AP3D1: variants seen among roughly 807,000 people sequenced by gnomAD.
AP3D1 encodes AP-3 complex subunit delta-1.
AP3D1 carries 51 observed loss-of-function variants against 147.6 expected under a neutral mutation model. The ratio of observed to expected loss-of-function variants is 0.35; its 90% confidence interval spans 0.28 to 0.44. The LOEUF (loss-of-function observed/expected upper bound fraction) is 0.44. AP3D1 is among the 20% of genes least tolerant of loss of function. The pLI, the probability that AP3D1 is intolerant of heterozygous loss-of-function variation, is 1.00. For synonymous variants in AP3D1, 760 were observed against 663.0 expected, an observed-to-expected ratio of 1.15 and a Z score of -2.25; for missense variants, 1,421 against 1,624.2, an observed-to-expected ratio of 0.87 and a Z score of 2.15.
At chr19:2,136,957 C>T (rs2019092448) in intron 4 of AP3D1, 54 bp downstream of exon 4, 12 of 1,501,540 alleles carry the variant, frequency 8.0e-6, no homozygotes, top group East Asian at 2.5e-5. Context: ...CCAGACGCTC[C>T]GGCAAGGGCA....
intron 1 of AP3D1, among the ~76,000 whole-genome samples, chr19:2,141,112 A>G (rs2144529264): frequency 6.6e-6 from 1 of 152,254 alleles, no homozygotes; most frequent in South Asian, 2.1e-4. Context: ...CCTAGACCCA[A>G]AAGATTATAT....
intron 25 of AP3D1, 124 bp downstream of exon 25, chr19:2,111,555 G>T (rs1266813671): frequency 1.5e-6 from 2 of 1,346,288 alleles, no homozygotes. Flanking sequence ...CCCTGCCCCC[G>T]CCAGGCTCGG....
At chr19:2,104,206 C>T (rs1034131065) in intron 31 of AP3D1, among the ~76,000 whole-genome samples, 2 of 150,786 alleles carry the variant, frequency 1.3e-5, no homozygotes, top group African/African-American at 2.4e-5. Flanking sequence ...ACCGAGACAC[C>T]AACACTGAGA....
intron 8 of AP3D1, among the ~76,000 whole-genome samples, chr19:2,128,054 CCGACACA>C (rs1412383127): frequency 6.6e-6 from 1 of 152,192 alleles, no homozygotes; most frequent in Non-Finnish European, 1.5e-5. Context: ...GTCCTTGTTG[CCGACACA>C]TGACTGCATC....
intron 9 of AP3D1, among the ~76,000 whole-genome samples, chr19:2,126,832 G>C (rs1174548264): frequency 6.6e-6 from 1 of 152,174 alleles, no homozygotes; most frequent in South Asian, 2.1e-4. Context: ...ATCTGTGGAA[G>C]CAGGTATGAG....
intron 1 of AP3D1, among the ~76,000 whole-genome samples, chr19:2,144,376 C>A (rs1254470753): frequency 6.6e-6 from 1 of 152,184 alleles, no homozygotes; most frequent in Non-Finnish European, 1.5e-5. Context: ...CCGCGGCCAC[C>A]CTGAGGCAGC....
intron 25 of AP3D1, 40 bp downstream of exon 25, chr19:2,111,639 G>A: frequency 6.5e-7 from 1 of 1,549,194 alleles, no homozygotes; most frequent in Non-Finnish European, 8.7e-7. Context: ...AGCCCGCCAG[G>A]AACCCCGGCG....
At chr19:2,102,510 C>T (rs1471853509) in intron 31 of AP3D1, among the ~76,000 whole-genome samples, 1 of 151,972 alleles carries the variant, frequency 6.6e-6, no homozygotes, top group African/African-American at 2.4e-5. Context: ...AGGCAGATCA[C>T]CAGGTCAGGA....
intron 9 of AP3D1, among the ~76,000 whole-genome samples, chr19:2,124,700 G>A (rs763421152): frequency 6.6e-6 from 1 of 152,176 alleles, no homozygotes; most frequent in Non-Finnish European, 1.5e-5. Context: ...CAGCGCTTTG[G>A]GAGGCTGAGG....
chr19:2,151,820 C>T (rs1321216808), upstream of AP3D1, among the ~76,000 whole-genome samples: 1 of 152,246 alleles, frequency 6.6e-6, no homozygotes, highest in Non-Finnish European at 1.5e-5. Context: ...CCTAGCCACG[C>T]CCCTTAGAGG....
At chr19:2,148,441 C>T (rs1465145844) in intron 1 of AP3D1, among the ~76,000 whole-genome samples, 1 of 152,222 alleles carries the variant, frequency 6.6e-6, no homozygotes, top group Non-Finnish European at 1.5e-5. Context: ...ACTGTATGTG[C>T]CTGCACTCTG....
In AP3D1 at chr19:2,115,353, T is replaced by C. The variant is rs2018414628; in HGVS notation, c.2215A>G (p.Lys739Glu). 1.2e-6 allele frequency: 2 copies of C among 1,608,146 alleles called. No individual in the cohort carries two copies. Among genetic ancestry groups the C allele is most frequent in the Admixed American group, 1.7e-5 (1 of 59,994 alleles). Residue 739 changes from lysine to glutamate, a missense_variant, in exon 20 of 32, where the codon AAG becomes GAG. Coordinates refer to ENST00000643116, the MANE Select transcript of AP3D1 (RefSeq NM_001261826.3). ...EERRHRQKLE[K>E]DKRRKKRKEK... is the part of the protein sequence containing the mutation. ...TTCCTCTTTTTCCTCCTCTTGTCCTTCTCCAGCTTCTGCCGGTGCCGCCGC... is the reference window on the plus strand; with the variant it reads ...TTCCTCTTTTTCCTCCTCTTGTCCTCCTCCAGCTTCTGCCGGTGCCGCCGC...
chr19:2,158,843 C>A (rs147471975), intron 1 of AP3D1, among the ~76,000 whole-genome samples: 83 of 152,294 alleles, frequency 5.4e-4, no homozygotes, highest in Non-Finnish European at 9.7e-4. Flanking sequence ...TTGGGGAAAG[C>A]TGTTACCGTC....
chr19:2,139,740 C>T (rs1304849258), intron 1 of AP3D1, among the ~76,000 whole-genome samples: 2 of 152,228 alleles, frequency 1.3e-5, no homozygotes, highest in African/African-American at 4.8e-5. Context: ...GCTGCCCGGG[C>T]CCCGTCCTGC....
At chr19:2,125,045 T>C (rs1004611797) in intron 9 of AP3D1, among the ~76,000 whole-genome samples, 2 of 152,198 alleles carry the variant, frequency 1.3e-5, no homozygotes, top group African/African-American at 4.8e-5. Flanking sequence ...GTACACTGCC[T>C]GGGTGTTGGT....
Position 2,121,031 on chromosome 19 carries a change from C to T in AP3D1, c.1312G>A (p.Ala438Thr), listed in dbSNP as rs778701220. Residue 438 changes from alanine (A) to threonine (T), a missense_variant, in exon 14 of 32, where the codon GCC becomes ACC. Ala to Thr is a moderately conservative substitution (Grantham distance 58). Coordinates refer to ENST00000643116, the MANE Select transcript of AP3D1 (RefSeq NM_001261826.3). ...ATGGCCACGTCCAGCATTTGGGCGG[C>T]GATGAGGTGGCCGTGCCGTGTGCCC... Reference protein sequence around the residue: ...LEGTRHGHLIAAQMLDVAIRV... With the variant: ...LEGTRHGHLITAQMLDVAIRV... 35 of 1,612,506 alleles carry T rather than the reference C, an allele frequency of 2.2e-5. No homozygotes were observed. Among genetic ancestry groups the T allele is most frequent in the East Asian group, 4.5e-5 (2 of 44,882 alleles).
At chr19:2,116,548 A>C in intron 17 of AP3D1, 57 bp downstream of exon 17, 1 of 1,488,896 alleles carries the variant, frequency 6.7e-7, no homozygotes, top group East Asian at 2.4e-5. Flanking sequence ...TGCCTCAAAG[A>C]CTCCCTGGGA....
At chr19:2,128,465 CCGCCCCCGCCG>C (rs1321332921) in intron 8 of AP3D1, among the ~76,000 whole-genome samples, 11 of 115,272 alleles carry the variant, frequency 9.5e-5, no homozygotes, top group African/African-American at 4.3e-4. Context: ...TGGAGCCGGC[CCGCCCCCGCCG>C]CTCCGACACT....
rs200937321 is a variant in AP3D1, at chr19:2,110,896, T to C, written c.2986A>G (p.Thr996Ala). Residue 996 changes from threonine (T) to alanine (A), a missense_variant and splice_region_variant, in exon 27 of 32, where the codon ACC (threonine) becomes GCC (alanine). Thr to Ala is a moderately conservative substitution (Grantham distance 58). Transcript: ENST00000643116. ...TGCAGACTGCCCCGGATGTCACAGGTCTGCAGGGCATGGCCAGTGTTAGCA... is the reference window on the plus strand; with the variant it reads ...TGCAGACTGCCCCGGATGTCACAGGCCTGCAGGGCATGGCCAGTGTTAGCA... Reference protein sequence around the residue: ...LLAENSYVKMTCDIRGSLQED... With the variant: ...LLAENSYVKMACDIRGSLQED... 433 of 1,612,538 alleles carry C rather than the reference T, an allele frequency of 2.7e-4. 2 individuals are homozygous for C. The South Asian group carries it at 4.5e-3, about 17-fold the overall frequency.
Sources: gnomAD v4.1 joint callset for allele counts (sites outside exome capture counted in the v4.1 genomes callset) on GRCh38, gnomAD v4.1.1 for gene constraint, MANE v1.5 for transcripts, NCBI Gene and HGNC (gene_info 2026-07-23, HGNC 2026-07-21) for gene names.